Variants in PTCH1 observed in about 807,000 individuals in gnomAD.
PTCH1 encodes the protein protein patched homolog 1.
In PTCH1, 14 loss-of-function variants were observed where a neutral mutation model predicts 144.6. That is an observed-to-expected ratio of 0.10 (90% confidence interval 0.06 to 0.15). The LOEUF (loss-of-function observed/expected upper bound fraction) is 0.15, where lower values mean the gene tolerates loss of function less well. PTCH1 is among the 10% of genes least tolerant of loss of function. The pLI is 1.00. For synonymous variants in PTCH1, 833 were observed against 793.6 expected, an observed-to-expected ratio of 1.05 and a Z score of -0.83; for missense variants, 1,623 against 1,948.3, an observed-to-expected ratio of 0.83 and a Z score of 3.14.
At position 95,458,576 on chromosome 9, in the gene PTCH1, AT is replaced by A. The variant is rs56213847; in HGVS notation, c.2888-284del. On this transcript the variant is annotated intron_variant, in intron 17 of 23. Coordinates refer to ENST00000331920, the MANE Select transcript of PTCH1 (RefSeq NM_000264.5). This position sits in a 1 kb window ranked among gnomAD's most constrained non-coding sequence, Gnocchi z 4.7. ...AACTCCAGGCTTACATTTTGGGAAC[AT>A]TTTTTTGTTCCCTTGACACATATGA... Among the ~76,000 whole-genome samples the A allele has an allele frequency of 4.8e-3, 728 of 152,312 alleles. 12 individuals are homozygous for A. Among genetic ancestry groups the A allele is most frequent in the East Asian group, 0.031 (162 of 5,188 alleles).
In PTCH1 at chr9:95,508,348, C is replaced by T; in HGVS notation, c.14G>A (p.Gly5Asp). 1 of 1,211,764 alleles carries T rather than the reference C, an allele frequency of 8.3e-7. No homozygotes were observed. Among genetic ancestry groups the T allele is most frequent in the Non-Finnish European group, 1.0e-6 (1 of 975,308 alleles). The allele number at this position is 1,211,764 out of a possible 1,614,324, so 75.1% of individuals were successfully genotyped here. The change falls in exon 1 of 24, where the codon GGT becomes GAT. Residue 5 changes from glycine to aspartate, a missense_variant. Transcript: ENST00000331920. The stretch of plus-strand genomic sequence containing the variant: ...GCGGTCCTGGGGCTCGGCGGCGTTA[C>T]CAGCCGAGGCCATGTTGCCGCCGCC... Reference protein sequence around the residue: MASAGNAAEPQDRGG... With the variant: MASADNAAEPQDRGG...
Position 95,459,610 on chromosome 9 carries a change from T to G in PTCH1, c.2877A>C (p.Thr959=), listed in dbSNP as rs768463644. Residue 959 remains threonine, a synonymous_variant, in exon 17 of 24, where the codon ACA becomes ACC. Transcript: ENST00000331920. ...VHDKADYMPE[T]RLRIPAAEPI... Reference sequence around the variant, plus strand: ...TAAAACGCTACTTACTTCTCAGCCTTGTTTCAGGCATGTAGTCGGCTTTGT... The same window carrying G: ...TAAAACGCTACTTACTTCTCAGCCTGGTTTCAGGCATGTAGTCGGCTTTGT... 1 of 1,613,708 alleles carries G rather than the reference T, an allele frequency of 6.2e-7. No homozygotes were observed.
At chr9:95,516,707 T>A (rs765943842) in exon 1 of PTCH1, 1 of 1,613,008 alleles carries the variant, frequency 6.2e-7, no homozygotes, top group Non-Finnish European at 8.5e-7. Context: ...CTCCTCCGTC[T>A]TTACAAAAGG....
intron 1 of PTCH1, chr9:95,506,894 G>A: frequency 3.5e-6 from 4 of 1,129,598 alleles, no homozygotes; most frequent in Non-Finnish European, 4.3e-6. Context: ...AGAGGAAGCC[G>A]AGGTAGAGAG....
exon 1 of PTCH1, chr9:95,516,905 A>ATAAACTCAAGGAAAGCAAAG: frequency 3.4e-6 from 4 of 1,187,936 alleles, no homozygotes; most frequent in Middle Eastern, 2.8e-4. Context: ...CCCCTTTACA[A>ATAAACTCAAGGAAAGCAAAG]TAAACTCAAG....
At position 95,485,862 on chromosome 9, in the gene PTCH1, A is replaced by C. The variant is rs2118550667; in HGVS notation, c.407T>G (p.Val136Gly). ...GCGAGTATAATTTAATTCACGACTT[A>C]CTCGTCCTCCAACTGACAAATATGT... The part of the protein sequence containing the change: ...EELWVEVGGR[V>G]SRELNYTRQK... Residue 136 changes from valine to glycine, a missense_variant, in exon 3 of 24, where the codon GTA (valine) becomes GGA (glycine). Around this residue, in one of 7 missense-constraint regions of PTCH1, gnomAD observed 245 missense variants for 240.6 expected, o/e 1.02. Coordinates refer to ENST00000331920, the MANE Select transcript of PTCH1 (RefSeq NM_000264.5). 6.2e-7 allele frequency: 1 copy of C among 1,614,186 alleles called. No individual in the cohort carries two copies. Among genetic ancestry groups the C allele is most frequent in the Non-Finnish European group, 8.5e-7 (1 of 1,180,040 alleles).
In PTCH1 at chr9:95,506,419, G is replaced by C. The variant is rs772674190; in HGVS notation, c.382C>G (p.Leu128Val). The change falls in exon 2 of 24, where the codon CTG becomes GTG. Residue 128 changes from leucine to valine, a missense_variant. Around this residue, in one of 7 missense-constraint regions of PTCH1, gnomAD observed 245 missense variants for 240.6 expected, o/e 1.02. Coordinates refer to ENST00000331920, the MANE Select transcript of PTCH1 (RefSeq NM_000264.5). ...CGGGCGCTCTTACCTTCCACCCACA[G>C]CTCCTCCACGTTGGTCTCGAGGTTC... is the stretch of plus-strand genomic sequence containing the variant. ...AANLETNVEELWVEVGGRVSR... is the reference protein window; with the variant it reads ...AANLETNVEEVWVEVGGRVSR... 1 of 1,611,122 alleles carries C rather than the reference G, an allele frequency of 6.2e-7. No individual in the cohort carries two copies. Among genetic ancestry groups the C allele is most frequent in the African/African-American group, 1.3e-5 (1 of 74,722 alleles).
At chr9:95,453,990 A>G (rs1838698489) in intron 19 of PTCH1, among the ~76,000 whole-genome samples, 1 of 152,214 alleles carries the variant, frequency 6.6e-6, no homozygotes, top group Non-Finnish European at 1.5e-5. Context: ...TGGCTAATGC[A>G]TTGGATGGCT....
intron 12 of PTCH1, among the ~76,000 whole-genome samples, chr9:95,475,463 G>A (rs546518085): frequency 6.6e-6 from 1 of 152,012 alleles, no homozygotes; most frequent in Non-Finnish European, 1.5e-5. Flanking sequence ...TTAGGAAAGG[G>A]AGGTGGAAAG....
Position 95,476,867 on chromosome 9 carries a change from A to C in PTCH1, c.1504-10T>G, listed in dbSNP as rs2118287436. 6.2e-7 allele frequency: 1 copy of C among 1,612,228 alleles called. No homozygotes were observed. Among genetic ancestry groups the C allele is most frequent in the Non-Finnish European group, 8.5e-7 (1 of 1,178,552 alleles). ...CGAGAAATGGCAAAACCTACAGCAA[A>C]AACAGAGGATGGTGGCATTAGACAT... On this transcript the variant is annotated splice_polypyrimidine_tract_variant and intron_variant, in intron 10 of 23. Coordinates refer to ENST00000331920, the MANE Select transcript of PTCH1 (RefSeq NM_000264.5). The surrounding 1 kb of genome is among the most constrained non-coding windows in gnomAD (Gnocchi z 4.6).
chr9:95,513,759 AACT>A (rs1457698716), upstream of PTCH1, among the ~76,000 whole-genome samples: 2 of 152,004 alleles, frequency 1.3e-5, no homozygotes, highest in African/African-American at 4.8e-5. Flanking sequence ...CAAAATTTAA[AACT>A]ACTGGGCTTG....
intron 20 of PTCH1, chr9:95,452,814 T>C (rs1838582901): frequency 1.3e-5 from 2 of 153,816 alleles, no homozygotes. Flanking sequence ...TAAGTTTTCC[T>C]TTCTACAGTT....
intron 8 of PTCH1, among the ~76,000 whole-genome samples, chr9:95,478,430 G>C (rs1310474704): frequency 6.6e-6 from 1 of 152,188 alleles, no homozygotes; most frequent in Non-Finnish European, 1.5e-5. Flanking sequence ...TGGTGTCGCT[G>C]GAGTTCACTC....
rs2118060158 is a variant in PTCH1, at chr9:95,469,129, C to G, written c.1872G>C (p.Gln624His). 1 of 1,614,080 alleles carries G rather than the reference C, an allele frequency of 6.2e-7. No individual in the cohort carries two copies. Among genetic ancestry groups the G allele is most frequent in the Non-Finnish European group, 8.5e-7 (1 of 1,180,030 alleles). The change falls in exon 14 of 24, where the codon CAG becomes CAC. Residue 624 changes from glutamine to histidine, a missense_variant. Physicochemically the swap from Gln to His is conservative, Grantham distance 24. Coordinates refer to ENST00000331920, the MANE Select transcript of PTCH1 (RefSeq NM_000264.5). ...FTSPCVSRVI[Q>H]VEPQAYTDTH... is the part of the protein sequence containing the mutation. ...TGTCGGTGTAGGCCTGAGGTTCAAC[C>G]TGAATCACTCTGCTGACGCAGGGGC...
At chr9:95,460,108 G>A (rs1214704553) in intron 16 of PTCH1, among the ~76,000 whole-genome samples, 1 of 152,224 alleles carries the variant, frequency 6.6e-6, no homozygotes, top group Non-Finnish European at 1.5e-5. Context: ...ATTTATAGGA[G>A]GGGAAGGGGG....
chr9:95,470,532 C>A (rs975453717), intron 12 of PTCH1, among the ~76,000 whole-genome samples: 1 of 152,038 alleles, frequency 6.6e-6, no homozygotes, highest in South Asian at 2.1e-4. Context: ...GATTATAGTA[C>A]GCAGAATAAA....
At chr9:95,464,765 C>T (rs879331972) in intron 15 of PTCH1, among the ~76,000 whole-genome samples, 4 of 152,074 alleles carry the variant, frequency 2.6e-5, no homozygotes, top group African/African-American at 4.8e-5. Context: ...AATGGGAATT[C>T]CATTAAAAAC....
At position 95,506,667 on chromosome 9, in the gene PTCH1, C is replaced by A; in HGVS notation, c.202-68G>T. Reference sequence around the variant, plus strand: ...CGGCCCGCGCGCCCACGCCCGCTTGCGCGCACCCGCCCGGTGAGCCCCCAA... The same window carrying A: ...CGGCCCGCGCGCCCACGCCCGCTTGAGCGCACCCGCCCGGTGAGCCCCCAA... On this transcript the variant is annotated intron_variant, in intron 1 of 23. Coordinates refer to ENST00000331920, the MANE Select transcript of PTCH1 (RefSeq NM_000264.5). 5.6e-6 allele frequency: 8 copies of A among 1,421,586 alleles called. No individual in the cohort carries two copies. The South Asian group carries it at 1.0e-4, about 18-fold the overall frequency. The allele number at this position is 1,421,586 out of a possible 1,614,324, so 88.1% of individuals were successfully genotyped here.
At chr9:95,504,585 C>A (rs967921225) in intron 2 of PTCH1, among the ~76,000 whole-genome samples, 7 of 151,900 alleles carry the variant, frequency 4.6e-5, no homozygotes, top group African/African-American at 1.7e-4. Flanking sequence ...CAAGAATCTA[C>A]GGCAGCGGCC....
Sources: allele counts gnomAD v4.1 joint callset (sites outside exome capture counted in the v4.1 genomes callset), GRCh38; gene constraint gnomAD v4.1.1; regional missense constraint gnomAD v4.1.1; non-coding constraint Gnocchi (gnomAD v3.1); transcripts MANE v1.5; gene names NCBI Gene and HGNC (gene_info 2026-07-23, HGNC 2026-07-21).